Variants in IGFBP2 observed in about 807,000 individuals in gnomAD.
The protein encoded by IGFBP2 is insulin-like growth factor-binding protein 2.
IGFBP2 carries 12 observed loss-of-function variants against 26.2 expected under a neutral mutation model. The observed-to-expected ratio is 0.46, with a 90% confidence interval of 0.29 to 0.74. The LOEUF (loss-of-function observed/expected upper bound fraction) is 0.74. Among genes scored for constraint, IGFBP2 ranks in the 30% least tolerant of loss-of-function variants. The pLI is 0.09. For synonymous variants in IGFBP2, 189 were observed against 200.6 expected, an observed-to-expected ratio of 0.94 and a Z score of 0.49; for missense variants, 328 against 441.2, an observed-to-expected ratio of 0.74 and a Z score of 2.30.
intron 1 of IGFBP2, among the ~76,000 whole-genome samples, chr2:216,654,892 A>G (rs1697889442): frequency 6.6e-6 from 1 of 152,170 alleles, no homozygotes; most frequent in African/African-American, 2.4e-5. Flanking sequence ...GGGACATCTC[A>G]GGGCAGGAAA....
At chr2:216,651,880 G>T (rs1353669912) in intron 1 of IGFBP2, among the ~76,000 whole-genome samples, 1 of 152,180 alleles carries the variant, frequency 6.6e-6, no homozygotes, top group Non-Finnish European at 1.5e-5. Flanking sequence ...TTGTGCCTCA[G>T]CCTCTCAAGT....
rs111229417 is a variant in IGFBP2, at chr2:216,650,684, A to G, written c.443-9873A>G. ...GGAGGGAGATGATTCTCAGAAGAGA[A>G]AGGCCAGTTCTTGCAGTCGTGTGAT... On this transcript the variant is annotated intron_variant, in intron 1 of 3. Transcript: ENST00000233809. Among the ~76,000 whole-genome samples, 1,515 of 152,286 alleles carry G rather than the reference A, an allele frequency of 9.9e-3. 18 individuals carry two copies. The highest frequency in any genetic ancestry group is 0.034 in the African/African-American group (1,405 of 41,554).
chr2:216,647,724 G>T (rs937246861), intron 1 of IGFBP2, among the ~76,000 whole-genome samples: 1 of 152,112 alleles, frequency 6.6e-6, no homozygotes, highest in Non-Finnish European at 1.5e-5. Context: ...GTTTCACCAT[G>T]TTAGCCAGGA....
chr2:216,633,793 C>A lies in IGFBP2; in HGVS notation c.270C>A (p.Cys90Ter). Residue 90 changes from cysteine (C) to a stop codon, truncating the protein, a stop_gained, in exon 1 of 4, where the codon TGC (cysteine) becomes TGA (stop). Coordinates refer to ENST00000233809, the MANE Select transcript of IGFBP2 (RefSeq NM_000597.3). LOFTEE classifies it high-confidence loss of function. ...REPGCGCCSV[C>*]ARLEGEACGV... ...CGGGCTGCGGCTGCTGCTCGGTGTGCGCCCGGCTGGAGGGCGAGGCGTGCG... is the reference window on the plus strand; with the variant it reads ...CGGGCTGCGGCTGCTGCTCGGTGTGAGCCCGGCTGGAGGGCGAGGCGTGCG... The A allele has an allele frequency of 6.8e-7, 1 of 1,473,460 alleles. No homozygotes were observed. Among genetic ancestry groups the A allele is most frequent in the African/African-American group, 1.5e-5 (1 of 68,794 alleles). The allele number at this position is 1,473,460 out of a possible 1,614,324, so 91.3% of individuals were successfully genotyped here. A position where few individuals can be genotyped will look rare whatever the true frequency, so the allele number is the denominator to read the frequency against.
At chr2:216,656,090 A>G (rs2106202875) in intron 1 of IGFBP2, among the ~76,000 whole-genome samples, 1 of 152,228 alleles carries the variant, frequency 6.6e-6, no homozygotes, top group African/African-American at 2.4e-5. Flanking sequence ...TGGCGCCTTC[A>G]GGCCCGAATG....
At chr2:216,657,653 A>T (rs1328131302) in intron 1 of IGFBP2, among the ~76,000 whole-genome samples, 1 of 152,136 alleles carries the variant, frequency 6.6e-6, no homozygotes, top group African/African-American at 2.4e-5. Context: ...GCAGGGCAGG[A>T]TGGATGAGGA....
chr2:216,635,628 T>TA (rs1697480272), intron 1 of IGFBP2, among the ~76,000 whole-genome samples: 1 of 151,420 alleles, frequency 6.6e-6, no homozygotes, highest in Non-Finnish European at 1.5e-5. Flanking sequence ...TTCCTACTCT[T>TA]CATTCGTCTT....
chr2:216,637,924 C>T (rs912833637), intron 1 of IGFBP2, among the ~76,000 whole-genome samples: 1 of 152,252 alleles, frequency 6.6e-6, no homozygotes, highest in Non-Finnish European at 1.5e-5. Flanking sequence ...CGCATTGGCT[C>T]ATGCCTGTAA....
At chr2:216,640,081 C>T (rs550643348) in intron 1 of IGFBP2, among the ~76,000 whole-genome samples, 6 of 152,282 alleles carry the variant, frequency 3.9e-5, no homozygotes, top group African/African-American at 1.2e-4. Flanking sequence ...TCTTTCCTTT[C>T]CCACACTTCT....
At chr2:216,656,766 C>T (rs1048775624) in intron 1 of IGFBP2, among the ~76,000 whole-genome samples, 1 of 152,162 alleles carries the variant, frequency 6.6e-6, no homozygotes, top group Non-Finnish European at 1.5e-5. Flanking sequence ...CTGCCTTCAC[C>T]CAAGCCACTT....
intron 1 of IGFBP2, among the ~76,000 whole-genome samples, chr2:216,656,280 C>T (rs1174340933): frequency 6.6e-6 from 1 of 152,202 alleles, no homozygotes; most frequent in East Asian, 1.9e-4. Context: ...GCTGAAAGTC[C>T]TCTAGGAAGC....
chr2:216,644,073 C>T (rs986827094), intron 1 of IGFBP2, among the ~76,000 whole-genome samples: 4 of 152,078 alleles, frequency 2.6e-5, no homozygotes, highest in African/African-American at 4.8e-5. Flanking sequence ...CTGGCTCAGC[C>T]CCTGGGTGTC....
At chr2:216,644,473 G>A (rs1697673410) in intron 1 of IGFBP2, among the ~76,000 whole-genome samples, 1 of 152,154 alleles carries the variant, frequency 6.6e-6, no homozygotes, top group African/African-American at 2.4e-5. Flanking sequence ...GGAAGAGGGG[G>A]ACTGAGTCCC....
intron 1 of IGFBP2, among the ~76,000 whole-genome samples, chr2:216,642,693 G>C (rs1321621792): frequency 6.6e-6 from 1 of 152,214 alleles, no homozygotes; most frequent in East Asian, 1.9e-4. Context: ...TGGTATGGGA[G>C]CTTCTGTCTG....
chr2:216,643,665 T>TAAAAAA (rs35784683), intron 1 of IGFBP2, among the ~76,000 whole-genome samples: 1 of 144,356 alleles, frequency 6.9e-6, no homozygotes, highest in Non-Finnish European at 1.5e-5. Context: ...GCTGATGAGC[T>TAAAAAA]AAAAAAAAAA....
chr2:216,664,268 T>C lies in IGFBP2; in HGVS notation c.*164T>C, dbSNP rs906039738. ...CACCGAGCTCGGCACCTCCCCGGCC[T>C]CTCTCTTCCCAGCTGCAGATGCCAC... On this transcript the variant is annotated 3_prime_UTR_variant, in exon 4 of 4. Transcript: ENST00000233809. The surrounding 1 kb of genome is among the most constrained non-coding windows in gnomAD (Gnocchi z 4.6). 17 of 506,928 alleles carry C rather than the reference T, an allele frequency of 3.4e-5. No individual in the cohort carries two copies. The highest frequency in any genetic ancestry group is 3.3e-4 in the Admixed American group (9 of 26,882). 31.4% of individuals were successfully genotyped at this position (506,928 alleles called of 1,614,324 possible). A position where few individuals can be genotyped will look rare whatever the true frequency, so the allele number is the denominator to read the frequency against.
At chr2:216,642,458 C>T (rs1166698689) in intron 1 of IGFBP2, among the ~76,000 whole-genome samples, 3 of 151,092 alleles carry the variant, frequency 2.0e-5, no homozygotes, top group Admixed American at 6.6e-5. Context: ...AGGCGCACGC[C>T]GCCACGCTCG....
chr2:216,639,014 T>TC (rs1326742270), intron 1 of IGFBP2, among the ~76,000 whole-genome samples: 1 of 139,946 alleles, frequency 7.1e-6, no homozygotes, highest in African/African-American at 2.7e-5. Flanking sequence ...CTAATTTTTT[T>TC]TTTTTTTTTT....
chr2:216,634,041 C>G (rs1697442368), intron 1 of IGFBP2, 76 bp downstream of exon 1: 1 of 1,491,358 alleles, frequency 6.7e-7, no homozygotes, highest in Non-Finnish European at 8.9e-7. Context: ...CTGGACCTTA[C>G]GGACGGTTTT....
Sources: allele counts gnomAD v4.1 joint callset (sites outside exome capture counted in the v4.1 genomes callset), GRCh38; gene constraint gnomAD v4.1.1; non-coding constraint Gnocchi (gnomAD v3.1); transcripts MANE v1.5; gene names NCBI Gene and HGNC (gene_info 2026-07-23, HGNC 2026-07-21).